The following EYS variants were observed in gnomAD, a reference collection of about 807,000 sequenced individuals.
The protein encoded by EYS is EGF-like photoreceptor maintenance factor.
Under a neutral mutation model 282.1 loss-of-function variants are expected in EYS, and 250 were observed. The ratio of observed to expected loss-of-function variants is 0.89; its 90% CI spans 0.80 to 0.98. The LOEUF (loss-of-function observed/expected upper bound fraction) is 0.98. Ranked by LOEUF, EYS falls within the 50% of genes least tolerant of loss-of-function variation. The pLI is 0.00. For missense variants in EYS, 4,016 were observed against 3,709.0 expected, an observed-to-expected ratio of 1.08 and a Z score of -2.15; for synonymous variants, 1,355 against 1,282.9, an observed-to-expected ratio of 1.06 and a Z score of -1.20.
At chr6:64,753,115 T>C (rs143842018) in intron 22 of EYS, among the ~76,000 whole-genome samples, 2 of 152,132 alleles carry the variant, frequency 1.3e-5, no homozygotes, top group African/African-American at 2.4e-5. Context: ...AACATGGAGA[T>C]AAAAGGGTGA....
At chr6:65,347,209 A>C (rs1770431376) in intron 9 of EYS, among the ~76,000 whole-genome samples, 1 of 151,836 alleles carries the variant, frequency 6.6e-6, no homozygotes, top group African/African-American at 2.4e-5. Flanking sequence ...GAAAAATTAT[A>C]TACTTACAGT....
At chr6:64,007,003 T>A (rs1296805264) in intron 33 of EYS, among the ~76,000 whole-genome samples, 1 of 152,140 alleles carries the variant, frequency 6.6e-6, no homozygotes, top group Non-Finnish European at 1.5e-5. Flanking sequence ...GGATGATGCT[T>A]AACTCATAGA....
At chr6:65,139,368 T>C (rs1764263048) in intron 12 of EYS, among the ~76,000 whole-genome samples, 1 of 151,938 alleles carries the variant, frequency 6.6e-6, no homozygotes, top group South Asian at 2.1e-4. Context: ...TGCTTGTAAG[T>C]GGAATCTAAA....
At chr6:65,161,147 C>T (rs1229732593) in intron 12 of EYS, among the ~76,000 whole-genome samples, 1 of 151,060 alleles carries the variant, frequency 6.6e-6, no homozygotes, top group Non-Finnish European at 1.5e-5. Context: ...GAGTTGGCTA[C>T]TGCTTAACTT....
chr6:64,452,364 G>C (rs1166092040), intron 26 of EYS, among the ~76,000 whole-genome samples: 3 of 152,182 alleles, frequency 2.0e-5, no homozygotes, highest in Middle Eastern at 3.4e-3. Flanking sequence ...AAAGAGGACA[G>C]AAACAAATGG....
At chr6:65,179,039 A>C (rs1488977835) in intron 12 of EYS, among the ~76,000 whole-genome samples, 1 of 152,092 alleles carries the variant, frequency 6.6e-6, no homozygotes, top group East Asian at 1.9e-4. Context: ...ACATACCAGA[A>C]TCTCTGGGAC....
chr6:65,290,226 G>T (rs1490956238), intron 12 of EYS, among the ~76,000 whole-genome samples: 13 of 150,902 alleles, frequency 8.6e-5, no homozygotes, highest in Non-Finnish European at 1.5e-4. Flanking sequence ...GTTTAGTAAA[G>T]ATGGAGAAAG....
At chr6:63,859,923 A>G (rs1490656223) in intron 36 of EYS, among the ~76,000 whole-genome samples, 1 of 152,200 alleles carries the variant, frequency 6.6e-6, no homozygotes, top group Admixed American at 6.5e-5. Context: ...ATAATTTGGA[A>G]GAAAAGTGCT....
chr6:64,175,910 G>A (rs1764619269), intron 31 of EYS, among the ~76,000 whole-genome samples: 1 of 152,228 alleles, frequency 6.6e-6, no homozygotes, highest in South Asian at 2.1e-4. Flanking sequence ...CTGGCAGAGG[G>A]ATAAGACAAT....
intron 31 of EYS, among the ~76,000 whole-genome samples, chr6:64,131,476 T>C (rs1773977934): frequency 6.6e-6 from 1 of 152,190 alleles, no homozygotes; most frequent in Non-Finnish European, 1.5e-5. Flanking sequence ...TCTTAACCAT[T>C]AGGCTGTACA....
In EYS at chr6:64,312,181, G is replaced by A. The variant is rs183066075; in HGVS notation, c.6079-5099C>T. Among the ~76,000 whole-genome samples, 629 of 152,078 alleles carry A rather than the reference G, an allele frequency of 4.1e-3. 4 individuals carry two copies. Among genetic ancestry groups the A allele is most frequent in the African/African-American group, 0.015 (603 of 41,492 alleles). The stretch of plus-strand genomic sequence containing the variant: ...CATCTGAGGTCGACCTAGGATGCTC[G>A]AGCTTGGTGGGGGGAGGGGCTTCGG... On this transcript the variant is annotated intron_variant, in intron 29 of 42. Transcript: ENST00000503581.
chr6:64,562,781 C>T (rs1832300), intron 26 of EYS, among the ~76,000 whole-genome samples: 85,172 of 151,614 alleles, frequency 0.56, 24,020 homozygotes, highest in South Asian at 0.65. Context: ...ATACTGGTAA[C>T]ACAATTTTTA....
At chr6:65,290,860 A>G (rs566871773) in intron 12 of EYS, among the ~76,000 whole-genome samples, 2 of 151,428 alleles carry the variant, frequency 1.3e-5, no homozygotes, top group South Asian at 2.1e-4. Flanking sequence ...ATATCATCTT[A>G]TTTATCATCT....
chr6:65,546,989 A>G (rs909883369), intron 2 of EYS, among the ~76,000 whole-genome samples: 15 of 152,166 alleles, frequency 9.9e-5, no homozygotes, highest in African/African-American at 3.6e-4. Flanking sequence ...TAATCAATCT[A>G]AAACAACTAA....
intron 22 of EYS, among the ~76,000 whole-genome samples, chr6:64,692,089 G>T (rs12663802): frequency 0.061 from 9,351 of 152,210 alleles, 330 homozygotes; most frequent in East Asian, 0.15. Context: ...GCTTTCTACA[G>T]TGACTGGACT....
At chr6:64,817,874 G>T (rs909313602) in intron 21 of EYS, among the ~76,000 whole-genome samples, 9 of 152,022 alleles carry the variant, frequency 5.9e-5, no homozygotes, top group Non-Finnish European at 1.2e-4. Context: ...TTGATTCCAT[G>T]TCTTTGCTAT....
At chr6:64,519,323 A>G (rs1777658817) in intron 26 of EYS, among the ~76,000 whole-genome samples, 1 of 151,802 alleles carries the variant, frequency 6.6e-6, no homozygotes, top group Non-Finnish European at 1.5e-5. Flanking sequence ...GAGGAAAAAA[A>G]GGACAGGGGA....
intron 1 of EYS, among the ~76,000 whole-genome samples, chr6:65,705,946 T>C (rs1218729276): frequency 1.3e-5 from 2 of 151,992 alleles, no homozygotes; most frequent in African/African-American, 2.4e-5. Context: ...CTGCTAATAA[T>C]ATAAACTGAA....
chr6:64,574,355 C>T (rs1304144113), intron 26 of EYS, among the ~76,000 whole-genome samples: 3 of 152,070 alleles, frequency 2.0e-5, no homozygotes. Flanking sequence ...AGCAAACCAC[C>T]ACAGCACTTG....
Sources: allele counts gnomAD v4.1 joint callset (sites outside exome capture counted in the v4.1 genomes callset), GRCh38; gene constraint gnomAD v4.1.1; transcripts MANE v1.5; gene names NCBI Gene and HGNC (gene_info 2026-07-23, HGNC 2026-07-21).